Variants in RIMBP2 observed in about 807,000 individuals in gnomAD.
RIMBP2 encodes RIMS binding protein 2.
RIMBP2 carries 48 observed loss-of-function variants against 118.6 expected under a neutral mutation model. The ratio of observed to expected loss-of-function variants is 0.40; its 90% CI spans 0.32 to 0.51. RIMBP2 has a LOEUF of 0.51. RIMBP2 is among the 20% of genes least tolerant of loss of function. RIMBP2 has a pLI of 0.41. For synonymous variants in RIMBP2, 762 were observed against 742.9 expected, an observed-to-expected ratio of 1.03 and a Z score of -0.42; for missense variants, 1,551 against 1,768.3, an observed-to-expected ratio of 0.88 and a Z score of 2.20.
At chr12:130,646,850 C>T (rs1310198720) in intron 1 of RIMBP2, among the ~76,000 whole-genome samples, 5 of 152,242 alleles carry the variant, frequency 3.3e-5, no homozygotes, top group Admixed American at 6.5e-5. Context: ...TCTGCAGCCA[C>T]GACACACAGG....
At chr12:130,660,836 G>GT (rs112764453) in intron 1 of RIMBP2, among the ~76,000 whole-genome samples, 82,577 of 151,982 alleles carry the variant, frequency 0.54, 23,047 homozygotes, top group Non-Finnish European at 0.62. Flanking sequence ...CACAGCTGGC[G>GT]TGTCACGCAG....
At chr12:130,438,323 A>AG (rs1343306749) in intron 12 of RIMBP2, 42 bp downstream of exon 12, 1 of 1,588,214 alleles carries the variant, frequency 6.3e-7, no homozygotes, top group Non-Finnish European at 8.6e-7. Context: ...CTGCTGCGTT[A>AG]GGGCCTAACA....
At position 130,442,159 on chromosome 12, in the gene RIMBP2, T is replaced by C. The variant is rs146435338; in HGVS notation, c.1193A>G (p.Gln398Arg). The C allele has an allele frequency of 1.1e-4, 170 of 1,614,184 alleles. No individual in the cohort carries two copies. In the African/African-American group the frequency reaches 1.9e-3, roughly 18 times the overall value. Residue 398 changes from glutamine to arginine, a missense_variant, in exon 11 of 23, where the codon CAG (glutamine) becomes CGG (arginine). Physicochemically the swap from Gln to Arg is conservative, Grantham distance 43. Around this residue, in one of 5 missense-constraint regions of RIMBP2, gnomAD observed 265 missense variants for 349.5 expected, o/e 0.76. Transcript: ENST00000690449. The surrounding 1 kb of genome is among the most constrained non-coding windows in gnomAD (Gnocchi z 6.9). ...GTCCTTGCCCACCAGCAGCGTGCACTGCAGCTCATCCGAGCTGCCCCTGCT... is the reference window on the plus strand; with the variant it reads ...GTCCTTGCCCACCAGCAGCGTGCACCGCAGCTCATCCGAGCTGCCCCTGCT... ...VTSRGSSDEL[Q>R]CTLLVGKDVV...
At chr12:130,644,918 C>T (rs1295245346) in intron 1 of RIMBP2, among the ~76,000 whole-genome samples, 1 of 152,198 alleles carries the variant, frequency 6.6e-6, no homozygotes, top group Non-Finnish European at 1.5e-5. Flanking sequence ...CAGCACCTGC[C>T]AGCGGCAATG....
intron 2 of RIMBP2, among the ~76,000 whole-genome samples, chr12:130,594,788 C>T (rs776772297): frequency 2.6e-5 from 4 of 152,088 alleles, no homozygotes; most frequent in Non-Finnish European, 5.9e-5. Context: ...ACTCTAAAAA[C>T]CCATTGTTCT....
At chr12:130,603,483 A>C (rs2059986901) in intron 2 of RIMBP2, among the ~76,000 whole-genome samples, 1 of 152,240 alleles carries the variant, frequency 6.6e-6, no homozygotes. Flanking sequence ...TCAAAACACA[A>C]TGCAGATCAA....
intron 3 of RIMBP2, among the ~76,000 whole-genome samples, chr12:130,516,787 T>C (rs1465836394): frequency 2.0e-5 from 3 of 152,114 alleles, no homozygotes; most frequent in African/African-American, 4.8e-5. Context: ...CTCAGTTTTA[T>C]TTATGGAAGG....
intron 1 of RIMBP2, among the ~76,000 whole-genome samples, chr12:130,702,730 G>A (rs376119202): frequency 1.1e-4 from 16 of 152,064 alleles, no homozygotes; most frequent in African/African-American, 2.7e-4. Flanking sequence ...AACCATGGCC[G>A]GGCGGTGAGG....
intron 17 of RIMBP2, among the ~76,000 whole-genome samples, chr12:130,417,853 T>G (rs572504391): frequency 6.8e-6 from 1 of 146,812 alleles, no homozygotes; most frequent in African/African-American, 2.5e-5. Context: ...TATATATGTA[T>G]GGAGAGAGAA....
At chr12:130,515,318 A>T (rs1328303604) in intron 3 of RIMBP2, among the ~76,000 whole-genome samples, 8 of 152,128 alleles carry the variant, frequency 5.3e-5, no homozygotes, top group Non-Finnish European at 1.5e-5. Context: ...CCATCTCTAG[A>T]ACTCTCTTCC....
intron 21 of RIMBP2, among the ~76,000 whole-genome samples, chr12:130,404,238 ATAAC>A (rs1222531542): frequency 1.3e-5 from 2 of 152,218 alleles, no homozygotes; most frequent in African/African-American, 4.8e-5. Flanking sequence ...TGTTTTCTAA[ATAAC>A]AGTGGAATAT....
At chr12:130,449,825 C>T (rs1216553350) in intron 9 of RIMBP2, among the ~76,000 whole-genome samples, 2 of 151,978 alleles carry the variant, frequency 1.3e-5, no homozygotes, top group East Asian at 1.9e-4. Flanking sequence ...ACTGGAGCCA[C>T]GCAGCTACAA....
At chr12:130,490,686 A>C (rs2048557121) in intron 4 of RIMBP2, among the ~76,000 whole-genome samples, 2 of 152,254 alleles carry the variant, frequency 1.3e-5, no homozygotes, top group African/African-American at 4.8e-5. Flanking sequence ...CACTGGCCAT[A>C]AACAACCTTA....
At chr12:130,433,307 C>T (rs993619893) in intron 14 of RIMBP2, among the ~76,000 whole-genome samples, 1 of 152,176 alleles carries the variant, frequency 6.6e-6, no homozygotes, top group Non-Finnish European at 1.5e-5. Flanking sequence ...GCCCCATGTG[C>T]GGTGCACACA....
intron 4 of RIMBP2, among the ~76,000 whole-genome samples, chr12:130,484,075 A>G (rs61496482): frequency 0.099 from 15,102 of 152,164 alleles, 1,523 homozygotes; most frequent in African/African-American, 0.23. Context: ...GAGGCGAAAC[A>G]TCTCTCCAGA....
rs60858868 is a variant in RIMBP2 at position 130,431,577 on chromosome 12, AT to A, written c.2253+3156del. 463 of 168,554 alleles carry A rather than the reference AT, an allele frequency of 2.7e-3. 2 individuals carry two copies. The highest frequency in any genetic ancestry group is 0.01 in the African/African-American group (431 of 41,620). The allele number at this position is 168,554 out of a possible 1,614,324, so 10.4% of individuals were successfully genotyped here. A position where few individuals can be genotyped will look rare whatever the true frequency, so the allele number is the denominator to read the frequency against. ...GTTATATTATTATATTATTAACAAT[AT>A]ATATTAACAATTAATATATTGTTAT... On this transcript the variant is annotated intron_variant, in intron 14 of 22. Transcript: ENST00000690449. This position sits in a 1 kb window ranked among gnomAD's most constrained non-coding sequence, Gnocchi z 4.0.
chr12:130,604,582 C>CTTTTTTT (rs777097560), intron 2 of RIMBP2, among the ~76,000 whole-genome samples: 1,375 of 66,950 alleles, frequency 0.021, 201 homozygotes, highest in African/African-American at 0.057. Flanking sequence ...TGCCCCTTTT[C>CTTTTTTT]TTTCTTTTTT....
At chr12:130,589,696 TCA>T (rs2059136882) in intron 2 of RIMBP2, among the ~76,000 whole-genome samples, 2 of 152,186 alleles carry the variant, frequency 1.3e-5, no homozygotes. Flanking sequence ...GATCGAAACA[TCA>T]CAGTGTACCC....
chr12:130,415,267 G>C (rs1181595140), intron 17 of RIMBP2, among the ~76,000 whole-genome samples: 1 of 152,098 alleles, frequency 6.6e-6, no homozygotes, highest in African/African-American at 2.4e-5. Flanking sequence ...CAATAAATAT[G>C]ATTCACCACA....
Sources: allele counts gnomAD v4.1 joint callset (sites outside exome capture counted in the v4.1 genomes callset), GRCh38; gene constraint gnomAD v4.1.1; regional missense constraint gnomAD v4.1.1; non-coding constraint Gnocchi (gnomAD v3.1); transcripts MANE v1.5; gene names NCBI Gene and HGNC (gene_info 2026-07-23, HGNC 2026-07-21).